PSMA8: variants seen among roughly 807,000 people sequenced by gnomAD.
The protein encoded by PSMA8 is proteasome 20S subunit alpha 8.
A neutral mutation model predicts 32.4 loss-of-function variants in PSMA8; 18 were observed. That is an observed-to-expected ratio of 0.56 (90% CI 0.38 to 0.82). The LOEUF is 0.82. Among genes scored for constraint, PSMA8 ranks in the 40% least tolerant of loss-of-function variants. The probability of loss-of-function intolerance (pLI) is 0.00; values close to 1 mark genes in which losing one functional copy is unlikely to be tolerated. For synonymous variants in PSMA8, 104 were observed against 98.1 expected (o/e 1.06, Z -0.36); for missense variants, 298 against 300.7 (o/e 0.99, Z 0.07).
At chr18:26,135,715 G>A (rs904177469) in intron 1 of PSMA8, among the ~76,000 whole-genome samples, 1 of 152,292 alleles carries the variant, frequency 6.6e-6, no homozygotes, top group African/African-American at 2.4e-5. Context: ...GAGAAGACTA[G>A]GGTGTAATAA....
chr18:26,179,136 T>C lies in PSMA8; in HGVS notation c.660+6T>C. On this transcript the variant is annotated splice_donor_region_variant and intron_variant, in intron 6 of 6. Coordinates refer to ENST00000415576, the MANE Select transcript of PSMA8 (RefSeq NM_001025096.2). ...GAAGAAATCAACCTTTGAAGGTAAG[T>C]CATTAACCAAAGAGGAAAAAGTATC... 1 of 1,605,110 alleles carries C rather than the reference T, an allele frequency of 6.2e-7. No homozygotes were observed. The highest frequency in any genetic ancestry group is 8.5e-7 in the Non-Finnish European group (1 of 1,174,416).
intron 4 of PSMA8, among the ~76,000 whole-genome samples, chr18:26,175,071 T>G (rs550346518): frequency 2.7e-3 from 414 of 152,362 alleles, no homozygotes; most frequent in Non-Finnish European, 4.0e-3. Flanking sequence ...TTGACCAGTT[T>G]TGCCTTCTGT....
intron 2 of PSMA8, among the ~76,000 whole-genome samples, chr18:26,149,923 T>A (rs566771638): frequency 3.7e-4 from 57 of 152,294 alleles, no homozygotes; most frequent in Non-Finnish European, 8.8e-5. Flanking sequence ...TACAAAAAAA[T>A]TATTTCATGT....
chr18:26,191,609 C>A (rs1320652440), intron 6 of PSMA8, among the ~76,000 whole-genome samples: 1 of 151,970 alleles, frequency 6.6e-6, no homozygotes, highest in Non-Finnish European at 1.5e-5. Flanking sequence ...CACTGCAGTC[C>A]AGCCTGGGCG....
intron 1 of PSMA8, among the ~76,000 whole-genome samples, chr18:26,139,871 CAT>C (rs1032199741): frequency 6.6e-6 from 1 of 152,192 alleles, no homozygotes; most frequent in African/African-American, 2.4e-5. Context: ...AAGAGACTAA[CAT>C]AGGTTTCTGT....
rs200455696 is a variant in PSMA8, at chr18:26,174,174, A to G, written c.478-4656A>G. Among the ~76,000 whole-genome samples the G allele has an allele frequency of 8.5e-4, 129 of 152,356 alleles. 3 individuals are homozygous for G. The highest frequency in any genetic ancestry group is 3.7e-3 in the South Asian group (18 of 4,826). On this transcript the variant is annotated intron_variant, in intron 4 of 6. Transcript: ENST00000415576. Reference sequence around the variant, plus strand: ...ACGTAATATTTATAGCATTCGGATCATGAAATGATGCTTCTAAATGCCTAC... The same window carrying G: ...ACGTAATATTTATAGCATTCGGATCGTGAAATGATGCTTCTAAATGCCTAC...
rs139102546 is a variant in PSMA8 at position 26,176,722 on chromosome 18, C to T, written c.478-2108C>T. The stretch of plus-strand genomic sequence containing the variant: ...CTGAGGCAGGCAGATCACCTGAAGT[C>T]GGGAGTTTGAGACCAGCCTGGCCAA... On this transcript the variant is annotated intron_variant, in intron 4 of 6. Transcript: ENST00000415576. Among the ~76,000 whole-genome samples, 682 of 152,136 alleles carry T rather than the reference C, an allele frequency of 4.5e-3. 5 individuals carry two copies. Among genetic ancestry groups the T allele is most frequent in the African/African-American group, 0.015 (613 of 41,492 alleles).
chr18:26,173,825 G>A (rs9958846), intron 4 of PSMA8, among the ~76,000 whole-genome samples: 16,661 of 151,930 alleles, frequency 0.11, 1,501 homozygotes, highest in African/African-American at 0.26. Context: ...CAAAGTGCTG[G>A]GATTACAAGT....
chr18:26,150,117 T>C (rs1416970316), intron 2 of PSMA8, among the ~76,000 whole-genome samples: 2 of 152,154 alleles, frequency 1.3e-5, no homozygotes, highest in Non-Finnish European at 2.9e-5. Flanking sequence ...ATTTTTGATT[T>C]TCAGATTAGG....
chr18:26,179,159 A>G (rs1598668331), intron 6 of PSMA8, 29 bp downstream of exon 6: 2 of 1,553,784 alleles, frequency 1.3e-6, no homozygotes, highest in East Asian at 4.5e-5. Flanking sequence ...AGGAAAAAGT[A>G]TCTGTAGTAT....
chr18:26,171,437 A>C (rs2055220343), intron 4 of PSMA8, among the ~76,000 whole-genome samples: 1 of 152,228 alleles, frequency 6.6e-6, no homozygotes, highest in Admixed American at 6.5e-5. Context: ...ATTTTTAAAA[A>C]ATTTTCTGAG....
intron 6 of PSMA8, among the ~76,000 whole-genome samples, chr18:26,182,661 A>G (rs1284698501): frequency 6.6e-6 from 1 of 152,204 alleles, no homozygotes; most frequent in Non-Finnish European, 1.5e-5. Context: ...TTGACTTTCA[A>G]GTCTTATTAT....
chr18:26,141,649 A>G (rs1411780167), intron 1 of PSMA8, among the ~76,000 whole-genome samples: 3 of 151,866 alleles, frequency 2.0e-5, no homozygotes, highest in African/African-American at 7.2e-5. Context: ...CTGATAAGAA[A>G]TGAAAGAACA....
At chr18:26,144,313 A>C in intron 1 of PSMA8, among the ~76,000 whole-genome samples, 1 of 152,080 alleles carries the variant, frequency 6.6e-6, no homozygotes, top group Non-Finnish European at 1.5e-5. Context: ...AGATTAGGAC[A>C]CTCATAATTT....
At chr18:26,177,930 T>A (rs1048278901) in intron 4 of PSMA8, among the ~76,000 whole-genome samples, 3 of 152,222 alleles carry the variant, frequency 2.0e-5, no homozygotes, top group Non-Finnish European at 2.9e-5. Flanking sequence ...AAATCTTTTC[T>A]GAGCCAGTCA....
intron 4 of PSMA8, among the ~76,000 whole-genome samples, chr18:26,165,319 C>G (rs1434782308): frequency 1.3e-5 from 2 of 152,224 alleles, no homozygotes; most frequent in Non-Finnish European, 2.9e-5. Context: ...CACGCATGCA[C>G]CCACGCCTGC....
intron 1 of PSMA8, among the ~76,000 whole-genome samples, chr18:26,134,340 G>GTGTGTGTGT (rs2054891597): frequency 1.3e-3 from 173 of 135,192 alleles, no homozygotes; most frequent in African/African-American, 5.5e-3. Context: ...TGTGTGTGTG[G>GTGTGTGTGT]GTGTGTGTGT....
intron 4 of PSMA8, among the ~76,000 whole-genome samples, chr18:26,163,213 GTATATATATATATATATATATATATA>G (rs58945617): frequency 2.1e-4 from 17 of 80,890 alleles, no homozygotes; most frequent in South Asian, 4.5e-4. Context: ...ATGTGTGTGT[GTATATATATATATATATATATATATA>G]TATATATATA....
intron 3 of PSMA8, 73 bp downstream of exon 3, chr18:26,152,055 C>G: frequency 1.7e-6 from 2 of 1,162,832 alleles, no homozygotes. Flanking sequence ...CATAGAAGTA[C>G]TACAGTTACT....
Sources: gnomAD v4.1 joint callset for allele counts (sites outside exome capture counted in the v4.1 genomes callset) on GRCh38, gnomAD v4.1.1 for gene constraint, MANE v1.5 for transcripts, NCBI Gene and HGNC (gene_info 2026-07-23, HGNC 2026-07-21) for gene names.